CPLANE1: variants seen among roughly 807,000 people sequenced by gnomAD.
CPLANE1 encodes the protein ciliogenesis and planar polarity effector 1.
In CPLANE1, 263 loss-of-function variants were observed where a neutral mutation model predicts 362.5. That is an observed-to-expected ratio of 0.73 (90% CI 0.66 to 0.80). CPLANE1 has a LOEUF of 0.80. Ranked by LOEUF, CPLANE1 falls within the 30% of genes least tolerant of loss-of-function variation. CPLANE1 has a pLI of 0.00. For missense variants in CPLANE1, 3,461 were observed against 3,793.4 expected, an observed-to-expected ratio of 0.91 and a Z score of 2.30; for synonymous variants, 1,212 against 1,302.6, an observed-to-expected ratio of 0.93 and a Z score of 1.50.
the CPLANE1 span, chr5:37,085,819 CA>C: frequency 1.4e-6 from 2 of 1,399,342 alleles, no homozygotes; most frequent in East Asian, 4.6e-5. Context: ...AAGAGAGAGA[CA>C]AAAGACTGGG....
rs569317641 is a variant in CPLANE1, at chr5:37,157,997, G to T, written c.7813-129C>A. 6.0e-5 allele frequency: 45 copies of T among 753,106 alleles called. No individual in the cohort carries two copies. In the African/African-American group the frequency reaches 7.6e-4, roughly 13 times the overall value. The allele number at this position is 753,106 out of a possible 1,614,324, so 46.7% of individuals were successfully genotyped here. A position where few individuals can be genotyped will look rare whatever the true frequency, so the allele number is the denominator to read the frequency against. ...ATTCTTATTAAAAACAAGGAAAGAAGGGCCTGAATGTGCCTAACTTAGGAA... is the reference window on the plus strand; with the variant it reads ...ATTCTTATTAAAAACAAGGAAAGAATGGCCTGAATGTGCCTAACTTAGGAA... On this transcript the variant is annotated intron_variant, in intron 39 of 52. Coordinates refer to ENST00000651892, the MANE Select transcript of CPLANE1 (RefSeq NM_001384732.1).
chr5:37,135,872 A>G (rs191584192), intron 46 of CPLANE1, among the ~76,000 whole-genome samples: 295 of 152,150 alleles, frequency 1.9e-3, no homozygotes, highest in African/African-American at 6.9e-3. Flanking sequence ...CTCGTGAAAT[A>G]GTGTTTTTAC....
intron 16 of CPLANE1, chr5:37,212,004 GA>G: frequency 2.0e-6 from 2 of 979,606 alleles, no homozygotes; most frequent in South Asian, 1.3e-5. Context: ...AAAGGAAGAA[GA>G]AAAAATATGG....
rs375376199 is a variant in CPLANE1 at position 37,162,442 on chromosome 5, T to C, written c.7690+23A>G. 231 of 1,467,528 alleles carry C rather than the reference T, an allele frequency of 1.6e-4. 2 individuals carry two copies. The African/African-American group carries it at 3.0e-3, about 19-fold the overall frequency. The allele number at this position is 1,467,528 out of a possible 1,614,324, so 90.9% of individuals were successfully genotyped here. ...ATTGTATCAAAATATATGAATTTTT[T>C]TAAAAAGTAAAACAGCATTTACCTG... On this transcript the variant is annotated intron_variant, in intron 38 of 52. Coordinates refer to ENST00000651892, the MANE Select transcript of CPLANE1 (RefSeq NM_001384732.1).
chr5:37,245,302 T>C (rs1398678667), intron 4 of CPLANE1, among the ~76,000 whole-genome samples, 177 bp downstream of exon 4: 1 of 698 alleles, frequency 1.4e-3, no homozygotes, highest in African/African-American at 0.014. Flanking sequence ...CAAAACTATA[T>C]ATATATATAT....
At chr5:37,119,415 A>G (rs1051567777) in intron 50 of CPLANE1, among the ~76,000 whole-genome samples, 36 of 152,200 alleles carry the variant, frequency 2.4e-4, no homozygotes, top group Admixed American at 2.4e-3. Flanking sequence ...TCATGCCTGT[A>G]ATCCCAGCAC....
chr5:37,084,839 A>G, the CPLANE1 span, among the ~76,000 whole-genome samples: 1 of 152,094 alleles, frequency 6.6e-6, no homozygotes, highest in Non-Finnish European at 1.5e-5. Flanking sequence ...GAATTCACAA[A>G]CCAATCACCT....
intron 42 of CPLANE1, among the ~76,000 whole-genome samples, chr5:37,149,412 T>C (rs189269476): frequency 2.6e-5 from 4 of 152,370 alleles, no homozygotes; most frequent in Admixed American, 2.6e-4. Context: ...ATAGTTGTTA[T>C]GACGTATTGT....
chr5:37,130,039 T>C (rs1765315568), intron 46 of CPLANE1, among the ~76,000 whole-genome samples: 1 of 152,180 alleles, frequency 6.6e-6, no homozygotes, highest in South Asian at 2.1e-4. Flanking sequence ...GTGGTACACA[T>C]ATACACCATG....
chr5:37,078,173 C>T, the CPLANE1 span, among the ~76,000 whole-genome samples: 1 of 152,130 alleles, frequency 6.6e-6, no homozygotes, highest in Admixed American at 6.5e-5. Flanking sequence ...GCCCAGCATC[C>T]ATTAGCTATT....
chr5:37,240,994 G>A (rs1800280864), intron 6 of CPLANE1, among the ~76,000 whole-genome samples: 1 of 151,862 alleles, frequency 6.6e-6, no homozygotes, highest in Non-Finnish European at 1.5e-5. Context: ...AAATTAGCCA[G>A]CCGTGGGGGT....
chr5:37,216,898 C>T (rs1224918700), intron 15 of CPLANE1, among the ~76,000 whole-genome samples: 20 of 152,144 alleles, frequency 1.3e-4, no homozygotes, highest in Admixed American at 1.2e-3. Flanking sequence ...ATCTTGTTCA[C>T]TGTATGTCCC....
intron 43 of CPLANE1, among the ~76,000 whole-genome samples, chr5:37,147,930 C>T (rs1463405215): frequency 1.4e-5 from 2 of 142,098 alleles, no homozygotes; most frequent in Non-Finnish European, 3.0e-5. Flanking sequence ...GCCACACTTG[C>T]CCCATCCTAG....
intron 48 of CPLANE1, 39 bp downstream of exon 48, chr5:37,122,391 G>C: frequency 6.5e-7 from 1 of 1,535,996 alleles, no homozygotes; most frequent in Non-Finnish European, 9.0e-7. Context: ...AGCTAAGGAA[G>C]TTAGAGAGAA....
chr5:37,186,152 C>T (rs1228325286), intron 24 of CPLANE1, 134 bp downstream of exon 24: 3 of 508,666 alleles, frequency 5.9e-6, no homozygotes, highest in African/African-American at 3.9e-5. Flanking sequence ...ATGTTTCTAC[C>T]TTCTCATACT....
intron 34 of CPLANE1, 80 bp from the exon 35 acceptor site, chr5:37,167,293 A>G (rs763410227): frequency 7.1e-6 from 8 of 1,120,622 alleles, no homozygotes; most frequent in Non-Finnish European, 1.0e-5. Flanking sequence ...CTGAGGAAAA[A>G]TACATTTGTT....
intron 31 of CPLANE1, 93 bp from the exon 32 acceptor site, chr5:37,174,040 G>A: frequency 9.2e-7 from 1 of 1,091,294 alleles, no homozygotes; most frequent in South Asian, 1.6e-5. Context: ...TCCCACTTTT[G>A]TCTTCCAATT....
chr5:37,082,448 G>A, the CPLANE1 span, among the ~76,000 whole-genome samples: 1 of 152,082 alleles, frequency 6.6e-6, no homozygotes, highest in Non-Finnish European at 1.5e-5. Flanking sequence ...TAAAGCCAGA[G>A]TAATTCAAAA....
chr5:37,170,502 G>C (rs540889712), intron 32 of CPLANE1, among the ~76,000 whole-genome samples, 171 bp from the exon 33 acceptor site: 20 of 150,674 alleles, frequency 1.3e-4, no homozygotes, highest in Admixed American at 2.0e-4. Flanking sequence ...TTTTTTAAAG[G>C]GAGAGGAAAA....
Sources: gnomAD v4.1 joint callset for allele counts (sites outside exome capture counted in the v4.1 genomes callset) on GRCh38, gnomAD v4.1.1 for gene constraint, MANE v1.5 for transcripts, NCBI Gene and HGNC (gene_info 2026-07-23, HGNC 2026-07-21) for gene names.